PALS2: variants seen among roughly 807,000 people sequenced by gnomAD.
PALS2 encodes protein PALS2.
In PALS2, 27 loss-of-function variants were observed where a neutral mutation model predicts 61.6. The ratio of observed to expected loss-of-function variants is 0.44; its 90% CI spans 0.32 to 0.60. PALS2 has a LOEUF of 0.60. PALS2 is among the 20% of genes least tolerant of loss of function. The pLI, the probability that PALS2 is intolerant of heterozygous loss-of-function variation, is 0.05. For synonymous variants in PALS2, 236 were observed against 218.6 expected (o/e 1.08, Z -0.70); for missense variants, 554 against 639.4 (o/e 0.87, Z 1.44).
intron 5 of PALS2, among the ~76,000 whole-genome samples, chr7:24,652,839 A>G (rs1475968407): frequency 1.3e-5 from 2 of 152,198 alleles, no homozygotes; most frequent in African/African-American, 4.8e-5. Context: ...TCAAAAGCAT[A>G]GTCAGTAGAT....
chr7:24,649,833 C>CT (rs1786047548), intron 4 of PALS2, 69 bp downstream of exon 4: 1 of 1,350,952 alleles, frequency 7.4e-7, no homozygotes, highest in South Asian at 1.9e-5. Flanking sequence ...AGTCACTACT[C>CT]TGTTTCATTT....
rs1384147980 is a variant in PALS2 at position 24,640,086 on chromosome 7, G to C, written c.118-1630G>C. Among the ~76,000 whole-genome samples, 4 of 151,496 alleles carry C rather than the reference G, an allele frequency of 2.6e-5. No homozygotes were observed. In the South Asian group the frequency reaches 6.3e-4, roughly 24 times the overall value. On this transcript the variant is annotated intron_variant, in intron 2 of 11. Coordinates refer to ENST00000222644, the MANE Select transcript of PALS2 (RefSeq NM_001303037.2). ...CCCATCTTGGCCTCCCAAAGTGCTG[G>C]GATTACAGACATGAGCCACTGTAGT...
At chr7:24,634,361 G>A (rs1167434752) in intron 2 of PALS2, among the ~76,000 whole-genome samples, 1 of 152,140 alleles carries the variant, frequency 6.6e-6, no homozygotes, top group Non-Finnish European at 1.5e-5. Flanking sequence ...CTCCTGAGTA[G>A]CTGGGACTAC....
chr7:24,630,010 A>G (rs1263751001), intron 2 of PALS2, among the ~76,000 whole-genome samples: 1 of 152,226 alleles, frequency 6.6e-6, no homozygotes, highest in Non-Finnish European at 1.5e-5. Flanking sequence ...TCATTCTACT[A>G]TAAAGACACA....
intron 1 of PALS2, among the ~76,000 whole-genome samples, chr7:24,578,287 A>G (rs1470519785): frequency 6.6e-6 from 1 of 152,088 alleles, no homozygotes; most frequent in Admixed American, 6.6e-5. Context: ...TATTTCAAGG[A>G]CTTAGACCTG....
At chr7:24,681,912 G>A (rs535245202) in intron 11 of PALS2, among the ~76,000 whole-genome samples, 8 of 152,184 alleles carry the variant, frequency 5.3e-5, no homozygotes, top group East Asian at 3.9e-4. Context: ...CTTTCTGAAC[G>A]TATGAAACAT....
intron 1 of PALS2, among the ~76,000 whole-genome samples, chr7:24,609,342 G>A (rs1784033744): frequency 6.6e-6 from 1 of 152,120 alleles, no homozygotes; most frequent in Admixed American, 6.6e-5. Context: ...GCAGACTGCT[G>A]CTTCAGATTT....
intron 3 of PALS2, among the ~76,000 whole-genome samples, chr7:24,642,726 T>A (rs1216555689): frequency 6.6e-6 from 1 of 152,104 alleles, no homozygotes; most frequent in African/African-American, 2.4e-5. Flanking sequence ...AATATGAAGG[T>A]TTATAGTGAG....
intron 10 of PALS2, 89 bp from the exon 11 acceptor site, chr7:24,680,303 G>C: frequency 7.5e-7 from 1 of 1,335,654 alleles, no homozygotes; most frequent in South Asian, 1.3e-5. Context: ...CATAGAACAA[G>C]TGCAAACAGC....
At chr7:24,634,642 AT>A (rs1785155874) in intron 2 of PALS2, among the ~76,000 whole-genome samples, 1 of 152,146 alleles carries the variant, frequency 6.6e-6, no homozygotes, top group Admixed American at 6.5e-5. Flanking sequence ...GGTCATGAAG[AT>A]TTACCCCTGT....
intron 3 of PALS2, 143 bp from the exon 4 acceptor site, chr7:24,649,469 T>G (rs1382570300): frequency 4.4e-6 from 2 of 457,254 alleles, no homozygotes; most frequent in Non-Finnish European, 7.4e-6. Flanking sequence ...ATTTATTTGA[T>G]CAACCTGATA....
rs1489645870 is a variant in PALS2, at chr7:24,693,750, A to G, written c.*6136A>G. The G allele has an allele frequency of 6.6e-6, 1 of 152,060 alleles. No homozygotes were observed. The highest frequency in any genetic ancestry group is 2.1e-4 in the South Asian group (1 of 4,830). 9.4% of individuals were successfully genotyped at this position (152,060 alleles called of 1,614,324 possible). The stretch of plus-strand genomic sequence containing the variant: ...TTCAGTAACACTGATTTTTTTTTAA[A>G]GAAGTGATATGTTGGACTCTGTTGT... On this transcript the variant is annotated 3_prime_UTR_variant, in exon 12 of 12. Transcript: ENST00000222644.
At chr7:24,591,285 C>G (rs930117195) in intron 1 of PALS2, among the ~76,000 whole-genome samples, 1 of 152,158 alleles carries the variant, frequency 6.6e-6, no homozygotes. Flanking sequence ...AAAGCATAGT[C>G]TTTGGCTGTA....
intron 1 of PALS2, among the ~76,000 whole-genome samples, chr7:24,584,666 A>T (rs1467357334): frequency 1.3e-5 from 2 of 151,890 alleles, no homozygotes; most frequent in Admixed American, 1.3e-4. Flanking sequence ...CTTTAGTTTA[A>T]TTAGATCCCA....
intron 1 of PALS2, chr7:24,597,002 A>T (rs1000620096): frequency 3.3e-5 from 5 of 152,156 alleles, no homozygotes; most frequent in Non-Finnish European, 7.4e-5. Flanking sequence ...AGAAGAAAAA[A>T]ATTGGATGAT....
intron 1 of PALS2, among the ~76,000 whole-genome samples, chr7:24,598,567 A>G (rs117880837): frequency 0.01 from 1,576 of 152,330 alleles, 13 homozygotes; most frequent in Non-Finnish European, 0.016. Context: ...AGTCTTTCAT[A>G]TAAGAAATGT....
At chr7:24,663,969 G>A (rs79442379) in intron 6 of PALS2, among the ~76,000 whole-genome samples, 2,468 of 152,188 alleles carry the variant, frequency 0.016, 62 homozygotes, top group African/African-American at 0.056. Context: ...AGACCAATTG[G>A]TTTTTTTCAC....
At chr7:24,586,644 A>G (rs974692300) in intron 1 of PALS2, among the ~76,000 whole-genome samples, 28 of 152,214 alleles carry the variant, frequency 1.8e-4, no homozygotes, top group Non-Finnish European at 1.5e-5. Flanking sequence ...GAGAAATTTA[A>G]ACATACCCAG....
At chr7:24,633,093 C>G (rs1168481156) in intron 2 of PALS2, among the ~76,000 whole-genome samples, 2 of 152,022 alleles carry the variant, frequency 1.3e-5, no homozygotes. Flanking sequence ...GTGAATAAAA[C>G]TATTATCTAT....
Sources: gnomAD v4.1 joint callset for allele counts (sites outside exome capture counted in the v4.1 genomes callset) on GRCh38, gnomAD v4.1.1 for gene constraint, MANE v1.5 for transcripts, NCBI Gene and HGNC (gene_info 2026-07-23, HGNC 2026-07-21) for gene names.